The following ZNF804B variants were observed in gnomAD, a reference collection of about 807,000 sequenced individuals.
ZNF804B encodes the protein zinc finger protein 804B.
In ZNF804B, 80 loss-of-function variants were observed where a neutral mutation model predicts 101.4. The ratio of observed to expected loss-of-function variants is 0.79; its 90% CI spans 0.66 to 0.95. ZNF804B has a LOEUF of 0.95. Among genes scored for constraint, ZNF804B ranks in the 40% least tolerant of loss-of-function variants. The pLI, the probability that ZNF804B is intolerant of heterozygous loss-of-function variation, is 0.00. For missense variants in ZNF804B, 1,673 were observed against 1,561.9 expected (o/e 1.07, Z -1.20); for synonymous variants, 622 against 558.8 (o/e 1.11, Z -1.59).
At chr7:89,014,838 G>A (rs757237086) in intron 1 of ZNF804B, among the ~76,000 whole-genome samples, 1 of 152,098 alleles carries the variant, frequency 6.6e-6, no homozygotes, top group Non-Finnish European at 1.5e-5. Flanking sequence ...GCTTTGTTGT[G>A]CAGAAGTTTT....
chr7:88,970,238 G>A (rs771693378), intron 1 of ZNF804B, among the ~76,000 whole-genome samples: 12 of 151,534 alleles, frequency 7.9e-5, no homozygotes, highest in Admixed American at 3.3e-4. Context: ...TGTGCAGGAT[G>A]TGCAGGCTTG....
chr7:89,228,251 C>A (rs59252932), intron 2 of ZNF804B, among the ~76,000 whole-genome samples: 89,057 of 151,470 alleles, frequency 0.59, 26,661 homozygotes, highest in African/African-American at 0.63. Context: ...TGAGCAGCAG[C>A]AGGATTTATT....
chr7:89,168,703 T>C (rs1048044165), intron 1 of ZNF804B, among the ~76,000 whole-genome samples: 1 of 138,174 alleles, frequency 7.2e-6, no homozygotes, highest in Non-Finnish European at 1.6e-5. Context: ...TTTTTTTTTT[T>C]TTGCACGGGC....
chr7:88,937,269 G>A (rs912476193), intron 1 of ZNF804B, among the ~76,000 whole-genome samples: 3 of 151,992 alleles, frequency 2.0e-5, no homozygotes, highest in Admixed American at 6.6e-5. Flanking sequence ...ATTAGATACC[G>A]GCAACAGGAC....
At chr7:88,876,565 G>T (rs1791942306) in intron 1 of ZNF804B, among the ~76,000 whole-genome samples, 1 of 152,018 alleles carries the variant, frequency 6.6e-6, no homozygotes, top group South Asian at 2.1e-4. Context: ...CTATCAATGA[G>T]TTCTCTGACC....
intron 1 of ZNF804B, among the ~76,000 whole-genome samples, chr7:88,818,737 T>G (rs748035620): frequency 1.9e-4 from 29 of 152,216 alleles, no homozygotes; most frequent in Non-Finnish European, 3.2e-4. Flanking sequence ...TAGTTACTCA[T>G]TAATGTTAGA....
At chr7:88,931,339 A>T (rs1792882477) in intron 1 of ZNF804B, among the ~76,000 whole-genome samples, 1 of 151,920 alleles carries the variant, frequency 6.6e-6, no homozygotes, top group Non-Finnish European at 1.5e-5. Flanking sequence ...CAAAGGTTTT[A>T]TGCATCTGTC....
intron 1 of ZNF804B, among the ~76,000 whole-genome samples, chr7:88,836,706 C>G (rs1791219667): frequency 6.6e-6 from 1 of 151,784 alleles, no homozygotes; most frequent in Non-Finnish European, 1.5e-5. Flanking sequence ...ATTTCCAGAG[C>G]ATGCTATCTC....
intron 1 of ZNF804B, among the ~76,000 whole-genome samples, chr7:89,155,560 G>A (rs62461915): frequency 0.2 from 30,669 of 151,906 alleles, 3,331 homozygotes; most frequent in Non-Finnish European, 0.23. Context: ...TAATAATTTT[G>A]TTCTCTTTCA....
At chr7:89,327,023 A>T (rs1790906923) in intron 2 of ZNF804B, among the ~76,000 whole-genome samples, 1 of 151,970 alleles carries the variant, frequency 6.6e-6, no homozygotes, top group Admixed American at 6.6e-5. Context: ...ATACTCATTC[A>T]TATATTGCAT....
Position 89,334,225 on chromosome 7 carries a change from G to C in ZNF804B, c.1243G>C (p.Asp415His). 6.2e-7 allele frequency: 1 copy of C among 1,613,468 alleles called. No homozygotes were observed. The highest frequency in any genetic ancestry group is 8.5e-7 in the Non-Finnish European group (1 of 1,179,774). The change falls in exon 4 of 4, where the codon GAT becomes CAT. Residue 415 changes from aspartate to histidine, a missense_variant. Transcript: ENST00000333190. ...SRIENREKSL[D>H]KTERVSKNVQ... Reference sequence around the variant, plus strand: ...AATAGAGAACAGAGAAAAATCTTTAGATAAAACAGAAAGAGTTAGCAAAAA... The same window carrying C: ...AATAGAGAACAGAGAAAAATCTTTACATAAAACAGAAAGAGTTAGCAAAAA...
At chr7:89,012,447 A>G (rs1472436348) in intron 1 of ZNF804B, among the ~76,000 whole-genome samples, 1 of 152,146 alleles carries the variant, frequency 6.6e-6, no homozygotes, top group African/African-American at 2.4e-5. Context: ...CAAATTTTCC[A>G]AAGTTTTATG....
chr7:89,074,716 G>A (rs1789590282), intron 1 of ZNF804B, among the ~76,000 whole-genome samples: 1 of 152,200 alleles, frequency 6.6e-6, no homozygotes, highest in Non-Finnish European at 1.5e-5. Context: ...AGTGACTTTG[G>A]AACTGGGTAA....
intron 2 of ZNF804B, among the ~76,000 whole-genome samples, chr7:89,287,718 T>C (rs563839742): frequency 1.7e-4 from 26 of 152,088 alleles, no homozygotes; most frequent in Admixed American, 1.2e-3. Context: ...TGAGTAAAAG[T>C]TACACAATGC....
intron 1 of ZNF804B, among the ~76,000 whole-genome samples, chr7:89,054,688 T>A (rs1789264095): frequency 1.3e-5 from 2 of 152,038 alleles, no homozygotes. Flanking sequence ...AACTGACATA[T>A]TTACAGCTAG....
At chr7:88,879,057 G>A (rs939343924) in intron 1 of ZNF804B, among the ~76,000 whole-genome samples, 2 of 152,080 alleles carry the variant, frequency 1.3e-5, no homozygotes, top group Admixed American at 6.6e-5. Flanking sequence ...GCAGATTCCC[G>A]CGATACTCAG....
intron 2 of ZNF804B, among the ~76,000 whole-genome samples, chr7:89,227,221 A>G (rs960046502): frequency 2.6e-5 from 4 of 152,204 alleles, no homozygotes; most frequent in African/African-American, 9.6e-5. Flanking sequence ...ATCCTTGTCT[A>G]TCAGTAAATG....
chr7:89,189,087 C>G (rs1243059713), intron 1 of ZNF804B, among the ~76,000 whole-genome samples: 1 of 152,104 alleles, frequency 6.6e-6, no homozygotes, highest in Non-Finnish European at 1.5e-5. Context: ...TGGCTGGTGA[C>G]TTTAAGTTGA....
At chr7:89,184,737 A>G (rs542116131) in intron 1 of ZNF804B, among the ~76,000 whole-genome samples, 6 of 152,284 alleles carry the variant, frequency 3.9e-5, no homozygotes, top group African/African-American at 1.2e-4. Context: ...AAGTTACTCT[A>G]GAGAGCTATA....
Sources: gnomAD v4.1 joint callset for allele counts (sites outside exome capture counted in the v4.1 genomes callset) on GRCh38, gnomAD v4.1.1 for gene constraint, MANE v1.5 for transcripts, NCBI Gene and HGNC (gene_info 2026-07-23, HGNC 2026-07-21) for gene names.